DPP6: variants seen among roughly 807,000 people sequenced by gnomAD.
DPP6 encodes the protein A-type potassium channel modulatory protein DPP6.
In DPP6, 69 loss-of-function variants were observed where a neutral mutation model predicts 122.6. The ratio of observed to expected loss-of-function variants is 0.56; its 90% CI spans 0.46 to 0.69. The LOEUF is 0.69. Ranked by LOEUF, DPP6 falls within the 30% of genes least tolerant of loss-of-function variation. The probability of loss-of-function intolerance (pLI) is 0.00; values close to 1 mark genes in which losing one functional copy is unlikely to be tolerated. For missense variants in DPP6, 928 were observed against 1,116.9 expected (o/e 0.83, Z 2.41); for synonymous variants, 418 against 433.1 (o/e 0.97, Z 0.43).
chr7:153,856,972 T>C, the DPP6 span, among the ~76,000 whole-genome samples: 8 of 152,210 alleles, frequency 5.3e-5, no homozygotes, highest in African/African-American at 1.9e-4. Context: ...AGAATGTTAC[T>C]TTTTTCAAAA....
intron 1 of DPP6, among the ~76,000 whole-genome samples, chr7:154,412,940 C>T (rs1816733957): frequency 6.6e-6 from 1 of 152,216 alleles, no homozygotes; most frequent in Non-Finnish European, 1.5e-5. Context: ...ATGAGAAACA[C>T]CTTTCTTAGG....
chr7:154,122,369 A>G (rs1052440231), intron 1 of DPP6, among the ~76,000 whole-genome samples: 18 of 152,220 alleles, frequency 1.2e-4, no homozygotes, highest in African/African-American at 4.3e-4. Context: ...AGAGAACCAC[A>G]TATAGTCAAG....
intron 1 of DPP6, among the ~76,000 whole-genome samples, chr7:154,315,540 GCA>G (rs1204330133): frequency 1.3e-5 from 2 of 151,968 alleles, no homozygotes; most frequent in African/African-American, 2.4e-5. Flanking sequence ...CAGCAAGCTA[GCA>G]CAGTCTTAAG....
At chr7:153,803,105 G>A in the DPP6 span, among the ~76,000 whole-genome samples, 23 of 151,754 alleles carry the variant, frequency 1.5e-4, 1 homozygote, top group African/African-American at 3.9e-4. Flanking sequence ...GGTAACCAGC[G>A]TGCCCGCATC....
At chr7:154,212,566 T>C (rs10952465) in intron 1 of DPP6, among the ~76,000 whole-genome samples, 120,466 of 152,114 alleles carry the variant, frequency 0.79, 48,119 homozygotes, top group Non-Finnish European at 0.85. Context: ...GCCGTAGCAC[T>C]CAGGGCCTGG....
At chr7:154,627,618 C>T (rs1485091604) in intron 5 of DPP6, among the ~76,000 whole-genome samples, 1 of 152,142 alleles carries the variant, frequency 6.6e-6, no homozygotes. Context: ...GTGACTACGA[C>T]CTGCTTGAGA....
intron 1 of DPP6, among the ~76,000 whole-genome samples, chr7:154,178,140 A>G (rs1250491835): frequency 6.6e-6 from 1 of 152,248 alleles, no homozygotes; most frequent in Non-Finnish European, 1.5e-5. Context: ...TCATCCTTAC[A>G]GAAGGTGGAA....
intron 1 of DPP6, among the ~76,000 whole-genome samples, chr7:154,184,233 T>A (rs1798241738): frequency 6.6e-6 from 1 of 150,490 alleles, no homozygotes; most frequent in Non-Finnish European, 1.5e-5. Context: ...TGCTCTTTAA[T>A]CTAGGATGCA....
At chr7:153,956,236 C>A (rs1802456727) in intron 1 of DPP6, among the ~76,000 whole-genome samples, 1 of 152,018 alleles carries the variant, frequency 6.6e-6, no homozygotes, top group Admixed American at 6.6e-5. Context: ...TGCTCAGACC[C>A]CACCTGCAGG....
chr7:154,687,128 G>A (rs1294738565), intron 7 of DPP6, among the ~76,000 whole-genome samples: 1 of 152,078 alleles, frequency 6.6e-6, no homozygotes, highest in Non-Finnish European at 1.5e-5. Context: ...TCACTATACA[G>A]TAACATGAGT....
chr7:154,719,216 A>G (rs1841668148), intron 7 of DPP6, among the ~76,000 whole-genome samples: 1 of 151,896 alleles, frequency 6.6e-6, no homozygotes, highest in African/African-American at 2.4e-5. Context: ...CTACACTTGG[A>G]TGTTATCTAT....
At chr7:153,785,227 T>A in the DPP6 span, among the ~76,000 whole-genome samples, 1 of 152,164 alleles carries the variant, frequency 6.6e-6, no homozygotes, top group South Asian at 2.1e-4. Flanking sequence ...TCTCACTACT[T>A]CTGTTTCTGC....
chr7:154,463,744 G>A (rs1821538334), intron 2 of DPP6, among the ~76,000 whole-genome samples: 1 of 148,630 alleles, frequency 6.7e-6, no homozygotes, highest in African/African-American at 2.5e-5. Context: ...GTTTAGAAAT[G>A]TCATCCCAGA....
At chr7:154,136,034 G>A (rs1476813428) in intron 1 of DPP6, among the ~76,000 whole-genome samples, 1 of 152,218 alleles carries the variant, frequency 6.6e-6, no homozygotes, top group Non-Finnish European at 1.5e-5. Context: ...TGCTCTTGGG[G>A]TTCTTGCACA....
chr7:154,855,188 C>T lies in DPP6; in HGVS notation c.1714+1361C>T, dbSNP rs534314861. Among the ~76,000 whole-genome samples the T allele has an allele frequency of 3.6e-4, 55 of 152,240 alleles. 1 individual carries two copies. The highest frequency in any genetic ancestry group is 1.1e-3 in the African/African-American group (47 of 41,540). The stretch of plus-strand genomic sequence containing the variant: ...TGTTCCAAAGTGGGCAAAATAGATT[C>T]GTTTAAAGAGACAGCACTTAGCCAA... On this transcript the variant is annotated intron_variant, in intron 17 of 25. Transcript: ENST00000377770.
Position 154,475,047 on chromosome 7 carries a change from G to C in DPP6, c.457+10G>C, listed in dbSNP as rs779484096. 1 of 1,603,682 alleles carries C rather than the reference G, an allele frequency of 6.2e-7. No individual in the cohort carries two copies. Among genetic ancestry groups the C allele is most frequent in the Non-Finnish European group, 8.5e-7 (1 of 1,170,760 alleles). On this transcript the variant is annotated intron_variant, in intron 3 of 25. Transcript: ENST00000377770. ...GCTAAGTGGATAAGTGGTGAGTCCA[G>C]GTCCTTCGTGCACAAGACATCGCTT...
intron 1 of DPP6, among the ~76,000 whole-genome samples, chr7:154,091,929 T>C (rs1171295963): frequency 6.6e-6 from 1 of 152,184 alleles, no homozygotes; most frequent in Admixed American, 6.5e-5. Context: ...ATCTAGGACG[T>C]GTGGACATCA....
intron 1 of DPP6, among the ~76,000 whole-genome samples, chr7:154,293,403 G>C (rs959236941): frequency 3.3e-5 from 5 of 152,258 alleles, no homozygotes; most frequent in Non-Finnish European, 5.9e-5. Flanking sequence ...TTGTTCCGAT[G>C]CTTGTAATTC....
chr7:154,031,357 G>C (rs1799219325), intron 1 of DPP6, among the ~76,000 whole-genome samples: 1 of 149,670 alleles, frequency 6.7e-6, no homozygotes, highest in Non-Finnish European at 1.5e-5. Context: ...TCTTAACGTG[G>C]GGTCCCAGGG....
Sources: gnomAD v4.1 joint callset for allele counts (sites outside exome capture counted in the v4.1 genomes callset) on GRCh38, gnomAD v4.1.1 for gene constraint, MANE v1.5 for transcripts, NCBI Gene and HGNC (gene_info 2026-07-23, HGNC 2026-07-21) for gene names.